The following PLD5 variants were observed in gnomAD, a reference collection of about 807,000 sequenced individuals.
PLD5 encodes phospholipase D family member 5.
PLD5 carries 36 observed loss-of-function variants against 61.1 expected under a neutral mutation model. The ratio of observed to expected loss-of-function variants is 0.59; its 90% CI spans 0.45 to 0.78. The LOEUF is 0.78. Ranked by LOEUF, PLD5 falls within the 30% of genes least tolerant of loss-of-function variation. The pLI is 0.00. For missense variants in PLD5, 515 were observed against 644.4 expected (o/e 0.80, Z 2.17); for synonymous variants, 243 against 242.8 (o/e 1.00, Z -0.01).
At chr1:242,342,758 A>T (rs1659908958) in intron 2 of PLD5, among the ~76,000 whole-genome samples, 1 of 152,184 alleles carries the variant, frequency 6.6e-6, no homozygotes, top group South Asian at 2.1e-4. Context: ...AGACAAAAAA[A>T]AAAAGGTCAT....
At chr1:242,107,513 G>A (rs1402417712) in intron 8 of PLD5, among the ~76,000 whole-genome samples, 158 bp downstream of exon 8, 2 of 151,744 alleles carry the variant, frequency 1.3e-5, no homozygotes, top group African/African-American at 4.8e-5. Flanking sequence ...TCTTTTTTTC[G>A]TATGTGATTG....
intron 4 of PLD5, among the ~76,000 whole-genome samples, chr1:242,257,162 C>CT (rs1673115884): frequency 6.6e-6 from 1 of 152,008 alleles, no homozygotes; most frequent in Admixed American, 6.6e-5. Flanking sequence ...TATCTACTAT[C>CT]TATATGAAGA....
Position 242,086,003 on chromosome 1 carries a change from C to A in PLD5, c.*3851G>T, listed in dbSNP as rs571590010. 6.0e-4 allele frequency: 92 copies of A among 152,188 alleles called. No individual in the cohort carries two copies. The highest frequency in any genetic ancestry group is 2.1e-3 in the African/African-American group (88 of 41,526). The allele number at this position is 152,188 out of a possible 1,614,324, so 9.4% of individuals were successfully genotyped here. A position where few individuals can be genotyped will look rare whatever the true frequency, so the allele number is the denominator to read the frequency against. ...TTAGTTCAATAAAAGTTCCTAAAAACAAACAGAATGAATCAGAGTCACTGA... is the reference window on the plus strand; with the variant it reads ...TTAGTTCAATAAAAGTTCCTAAAAAAAAACAGAATGAATCAGAGTCACTGA... On this transcript the variant is annotated 3_prime_UTR_variant, in exon 10 of 10. Coordinates refer to ENST00000536534, the MANE Select transcript of PLD5 (RefSeq NM_001372062.1).
In PLD5 at chr1:242,492,410, T is replaced by A. The variant is rs922991376; in HGVS notation, c.189+31678A>T. ...GGTGGTGGGTGCCTGTAATCCCAGCTACTCAGGAGATTGAGGCAGGACAAT... is the reference window on the plus strand; with the variant it reads ...GGTGGTGGGTGCCTGTAATCCCAGCAACTCAGGAGATTGAGGCAGGACAAT... On this transcript the variant is annotated intron_variant, in intron 1 of 9. Transcript: ENST00000536534. 3.8e-4 allele frequency among the ~76,000 whole-genome samples: 57 copies of A among 151,146 alleles called. 1 individual carries two copies. The highest frequency in any genetic ancestry group is 3.4e-3 in the Admixed American group (52 of 15,136).
At chr1:242,159,867 T>C (rs2148840580) in intron 5 of PLD5, among the ~76,000 whole-genome samples, 1 of 152,292 alleles carries the variant, frequency 6.6e-6, no homozygotes, top group East Asian at 1.9e-4. Flanking sequence ...TTGTGACAAC[T>C]TGGTGAGGTC....
intron 5 of PLD5, among the ~76,000 whole-genome samples, chr1:242,136,701 C>A (rs1663758060): frequency 6.6e-6 from 1 of 152,178 alleles, no homozygotes; most frequent in South Asian, 2.1e-4. Context: ...ACCTCTCTTT[C>A]AAACTTCACG....
At chr1:242,167,572 C>G (rs548155345) in intron 5 of PLD5, among the ~76,000 whole-genome samples, 1 of 152,048 alleles carries the variant, frequency 6.6e-6, no homozygotes, top group African/African-American at 2.4e-5. Context: ...ACAGCCAAAC[C>G]ATATCACTAA....
chr1:242,261,467 G>C (rs1291218237), intron 4 of PLD5, among the ~76,000 whole-genome samples: 1 of 152,062 alleles, frequency 6.6e-6, no homozygotes, highest in Non-Finnish European at 1.5e-5. Context: ...ACAGGATGCA[G>C]TAAGCATCAA....
At chr1:242,271,796 C>T (rs1421402426) in intron 3 of PLD5, among the ~76,000 whole-genome samples, 2 of 151,812 alleles carry the variant, frequency 1.3e-5, no homozygotes, top group Non-Finnish European at 2.9e-5. Flanking sequence ...AAGTGAGGAA[C>T]AATACGATAT....
chr1:242,410,067 A>G, intron 1 of PLD5, among the ~76,000 whole-genome samples: 1 of 152,224 alleles, frequency 6.6e-6, no homozygotes, highest in East Asian at 1.9e-4. Flanking sequence ...AATAACTCCT[A>G]TAATATTCCT....
intron 1 of PLD5, among the ~76,000 whole-genome samples, chr1:242,486,188 T>C (rs1463831173): frequency 1.3e-5 from 2 of 152,102 alleles, no homozygotes; most frequent in African/African-American, 2.4e-5. Context: ...CCAAAAGCAA[T>C]GGCAACAAAA....
intron 1 of PLD5, among the ~76,000 whole-genome samples, chr1:242,460,634 TACATACACAC>T (rs1276573301): frequency 6.6e-6 from 1 of 152,028 alleles, no homozygotes; most frequent in East Asian, 1.9e-4. Flanking sequence ...AACACATACA[TACATACACAC>T]ACATACACAC....
intron 5 of PLD5, among the ~76,000 whole-genome samples, chr1:242,149,483 T>C (rs981894163): frequency 6.6e-6 from 1 of 151,806 alleles, no homozygotes; most frequent in East Asian, 1.9e-4. Flanking sequence ...GCTGGCATCA[T>C]AAGATGAGTT....
Position 242,342,756 on chromosome 1 carries a change from A to T in PLD5, c.326+5350T>A, listed in dbSNP as rs1003980700. Among the ~76,000 whole-genome samples, 15 of 152,278 alleles carry T rather than the reference A, an allele frequency of 9.9e-5. No homozygotes were observed. The East Asian group carries it at 2.5e-3, about 26-fold the overall frequency. On this transcript the variant is annotated intron_variant, in intron 2 of 9. Coordinates refer to ENST00000536534, the MANE Select transcript of PLD5 (RefSeq NM_001372062.1). ...AGAAATCCAATACAAAGAGACAAAA[A>T]AAAAAAGGTCATTTACTGGCAAAGA...
At chr1:242,321,295 T>TTCTC (rs891238501) in intron 2 of PLD5, among the ~76,000 whole-genome samples, 2 of 151,180 alleles carry the variant, frequency 1.3e-5, no homozygotes, top group Non-Finnish European at 2.9e-5. Context: ...CTTTCTTTCT[T>TTCTC]TCTCTCTCTC....
chr1:242,256,400 G>A lies in PLD5; in HGVS notation c.607+8937C>T, dbSNP rs184745854. Reference sequence around the variant, plus strand: ...TTTGAATGTCCCTCAAGAATCATTCGTTTAAACGTAATTCCCACTGTGGCA... The same window carrying A: ...TTTGAATGTCCCTCAAGAATCATTCATTTAAACGTAATTCCCACTGTGGCA... On this transcript the variant is annotated intron_variant, in intron 4 of 9. Coordinates refer to ENST00000536534, the MANE Select transcript of PLD5 (RefSeq NM_001372062.1). The surrounding 1 kb of genome is among the most constrained non-coding windows in gnomAD (Gnocchi z 5.7). Among the ~76,000 whole-genome samples the A allele has an allele frequency of 2.6e-3, 403 of 152,316 alleles. No homozygotes were observed. Among genetic ancestry groups the A allele is most frequent in the Non-Finnish European group, 4.5e-3 (306 of 68,026 alleles).
chr1:242,122,418 C>A (rs574257504), intron 6 of PLD5, among the ~76,000 whole-genome samples: 1 of 152,244 alleles, frequency 6.6e-6, no homozygotes, highest in African/African-American at 2.4e-5. Context: ...ATTAATTCAT[C>A]TATTTTTTGC....
intron 5 of PLD5, among the ~76,000 whole-genome samples, chr1:242,193,215 G>A (rs1452593781): frequency 6.6e-6 from 1 of 151,896 alleles, no homozygotes; most frequent in Non-Finnish European, 1.5e-5. Flanking sequence ...GGTCTAGTTT[G>A]CTCTCCAATG....
At chr1:242,108,574 G>A (rs1039979077) in intron 7 of PLD5, among the ~76,000 whole-genome samples, 7 of 152,058 alleles carry the variant, frequency 4.6e-5, no homozygotes, top group South Asian at 2.1e-4. Flanking sequence ...TGCCTCTGCC[G>A]GCCCCCAACA....
Sources: gnomAD v4.1 joint callset for allele counts (sites outside exome capture counted in the v4.1 genomes callset) on GRCh38, gnomAD v4.1.1 for gene constraint, Gnocchi (gnomAD v3.1) non-coding constraint, MANE v1.5 for transcripts, NCBI Gene and HGNC (gene_info 2026-07-23, HGNC 2026-07-21) for gene names.